Variants in WNK3 observed in about 807,000 individuals in gnomAD.
The protein encoded by WNK3 is WNK lysine deficient protein kinase 3.
In WNK3, 18 loss-of-function variants were observed where a neutral mutation model predicts 116.7. The ratio of observed to expected loss-of-function variants is 0.15; its 90% CI spans 0.11 to 0.23. WNK3 has a LOEUF of 0.23. Ranked by LOEUF, WNK3 falls within the 10% of genes least tolerant of loss-of-function variation. The pLI, the probability that WNK3 is intolerant of heterozygous loss-of-function variation, is 1.00. For synonymous variants in WNK3, 404 were observed against 469.4 expected, an observed-to-expected ratio of 0.86 and a Z score of 1.80; for missense variants, 993 against 1,323.8, an observed-to-expected ratio of 0.75 and a Z score of 3.88.
intron 1 of WNK3, chrX:54,343,668 C>CT (rs1374715507): frequency 4.8e-4 from 51 of 105,255 alleles, no homozygotes; most frequent in Admixed American, 6.2e-4. Flanking sequence ...CCAATATCCA[C>CT]TTTTTTTTTT....
chrX:54,316,546 A>AC (rs1251607387), intron 2 of WNK3, among the ~76,000 whole-genome samples: 3 of 106,920 alleles, frequency 2.8e-5, no homozygotes, highest in Non-Finnish European at 5.8e-5. Context: ...TCTCAAAAAA[A>AC]AAAAAAAAAA....
intron 10 of WNK3, among the ~76,000 whole-genome samples, chrX:54,276,347 AC>A (rs1690344864): frequency 9.2e-6 from 1 of 108,501 alleles, no homozygotes. Context: ...AAACAAACAA[AC>A]AAACAAAAAA....
intron 1 of WNK3, among the ~76,000 whole-genome samples, chrX:54,337,921 A>G (rs1436918273): frequency 1.8e-5 from 2 of 109,713 alleles, no homozygotes; most frequent in African/African-American, 6.6e-5. Flanking sequence ...TTACAAAATT[A>G]GCTGGGTATG....
intron 22 of WNK3, among the ~76,000 whole-genome samples, chrX:54,203,039 G>A (rs1557142018): frequency 9.0e-6 from 1 of 111,425 alleles, no homozygotes; most frequent in African/African-American, 3.3e-5. Context: ...CTTTTAAGAA[G>A]CTTCAGAAAA....
At chrX:54,246,824 T>C (rs1276674507) in intron 17 of WNK3, among the ~76,000 whole-genome samples, 1 of 112,042 alleles carries the variant, frequency 8.9e-6, no homozygotes, top group Non-Finnish European at 1.9e-5. Context: ...TATTGGATAG[T>C]GCAGATACAG....
chrX:54,283,033 A>G (rs895909594), intron 10 of WNK3, among the ~76,000 whole-genome samples: 8 of 112,577 alleles, frequency 7.1e-5, no homozygotes, highest in Non-Finnish European at 1.3e-4. Flanking sequence ...TGAAAAGACA[A>G]CACACAGAAT....
exon 17 of WNK3, chrX:54,249,094 G>C: frequency 8.3e-7 from 1 of 1,211,902 alleles, no homozygotes; most frequent in Non-Finnish European, 1.1e-6. Context: ...TTGAAGGGTA[G>C]TTGGTTCAAG....
At chrX:54,295,191 C>T (rs868917740) in intron 7 of WNK3, among the ~76,000 whole-genome samples, 6 of 108,935 alleles carry the variant, frequency 5.5e-5, no homozygotes, top group South Asian at 4.0e-4. Context: ...CCACCGCGCC[C>T]GGCCAATTTT....
At position 54,253,186 on chromosome X, in the gene WNK3, T is replaced by TA. The variant is rs782594620; in HGVS notation, c.2367+772dup. Among the ~76,000 whole-genome samples, 568 of 97,392 alleles carry TA rather than the reference T, an allele frequency of 5.8e-3. 8 individuals carry two copies. The East Asian group carries it at 0.063, about 11-fold the overall frequency. The allele number at this position is 97,392 out of a possible 115,157, so 84.6% of individuals were successfully genotyped here. A position where few individuals can be genotyped will look rare whatever the true frequency, so the allele number is the denominator to read the frequency against. ...AAACTTTCTATGTAGCCACAAAAAT[T>TA]AAAAAAAAAAAAACAGAAAGAAAAA... On this transcript the variant is annotated intron_variant, in intron 13 of 23. Coordinates refer to ENST00000354646, the Ensembl canonical transcript of WNK3.
intron 21 of WNK3, among the ~76,000 whole-genome samples, chrX:54,232,095 ATGTGTGTGTGTGTGTGTG>A (rs1228009876): frequency 1.3e-3 from 127 of 96,612 alleles, no homozygotes; most frequent in African/African-American, 4.8e-3. Flanking sequence ...GTCTGTGTAT[ATGTGTGTGTGTGTGTGTG>A]TATATATATA....
At chrX:54,333,610 A>G in exon 2 of WNK3, 1 of 1,205,437 alleles carries the variant, frequency 8.3e-7, no homozygotes, top group East Asian at 3.0e-5. Context: ...CTGTTTTCAA[A>G]TGAAATTCCA....
intron 2 of WNK3, among the ~76,000 whole-genome samples, chrX:54,330,538 C>T (rs1219560934): frequency 9.0e-6 from 1 of 111,069 alleles, no homozygotes; most frequent in African/African-American, 3.3e-5. Context: ...GCCTAGATGA[C>T]GGCGTGAGAT....
intron 17 of WNK3, among the ~76,000 whole-genome samples, chrX:54,245,470 G>A (rs2068066434): frequency 9.1e-6 from 1 of 109,808 alleles, no homozygotes; most frequent in Non-Finnish European, 1.9e-5. Context: ...CTGGGTAATG[G>A]AGTGAGACCC....
In WNK3 at chrX:54,198,490, G is replaced by A. The variant is rs781877129; in HGVS notation, c.5237C>T (p.Ala1746Val). The A allele has an allele frequency of 2.3e-5, 27 of 1,163,175 alleles. No individual in the cohort carries two copies. Among genetic ancestry groups the A allele is most frequent in the South Asian group, 1.5e-4 (8 of 55,070 alleles). Residue 1746 changes from alanine to valine, a missense_variant, in exon 24 of 24, where the codon GCG (alanine) becomes GTG (valine). Physicochemically the swap from Ala to Val is moderately conservative, Grantham distance 64 (BLOSUM62 0). This residue lies in a region of WNK3 where 836 missense variants were observed against 976.5 expected (regional missense o/e 0.86). Transcript: ENST00000354646. Reference sequence around the variant, plus strand: ...CCACTGTACTGGATACCCCGCCCCCGCCACAGCATTATACTGACAAACGTG... The same window carrying A: ...CCACTGTACTGGATACCCCGCCCCCACCACAGCATTATACTGACAAACGTG...
At chrX:54,264,448 G>A (rs1235179967) in intron 10 of WNK3, among the ~76,000 whole-genome samples, 2 of 110,044 alleles carry the variant, frequency 1.8e-5, no homozygotes, top group African/African-American at 3.3e-5. Flanking sequence ...TTACAGGTAC[G>A]AGCCACCGTG....
chrX:54,318,362 A>T (rs2068987721), intron 2 of WNK3, among the ~76,000 whole-genome samples: 1 of 109,275 alleles, frequency 9.2e-6, no homozygotes, highest in Non-Finnish European at 1.9e-5. Flanking sequence ...TCTGTCTCAA[A>T]AAAAAAAAAA....
rs781858834 is a variant in WNK3, at chrX:54,275,607, G to C, written c.2038-16269C>G. ...CCTAAAAAATTTCAAATAACCCACA[G>C]GTGGGTAAGAAAAGAGAAGCATAAG... On this transcript the variant is annotated intron_variant, in intron 10 of 23. Transcript: ENST00000354646. Among the ~76,000 whole-genome samples, 10 of 109,782 alleles carry C rather than the reference G, an allele frequency of 9.1e-5. No homozygotes were observed. The South Asian group carries it at 3.9e-3, about 43-fold the overall frequency.
intron 20 of WNK3, among the ~76,000 whole-genome samples, chrX:54,233,667 A>G (rs1175905683): frequency 1.8e-5 from 2 of 110,299 alleles, no homozygotes; most frequent in Non-Finnish European, 3.8e-5. Flanking sequence ...GTAAAGTCAA[A>G]TAGTATTAAT....
Position 54,218,808 on chromosome X carries a change from C to T in WNK3, c.4870+9906G>A, listed in dbSNP as rs370994220. 1.7e-4 allele frequency among the ~76,000 whole-genome samples: 19 copies of T among 110,860 alleles called. No homozygotes were observed. The South Asian group carries it at 6.9e-3, about 40-fold the overall frequency. ...CTGAGGCACGAGAATTGCTTGAACC[C>T]GGGAAGCGGAGGTTGCAGTGAGCCA... On this transcript the variant is annotated intron_variant, in intron 22 of 23. Coordinates refer to ENST00000354646, the Ensembl canonical transcript of WNK3.
Sources: gnomAD v4.1 joint callset for allele counts (sites outside exome capture counted in the v4.1 genomes callset) on GRCh38, gnomAD v4.1.1 for gene constraint, gnomAD v4.1.1 regional missense constraint, MANE v1.5 for transcripts, NCBI Gene and HGNC (gene_info 2026-07-23, HGNC 2026-07-21) for gene names.